CDH4: variants seen among roughly 807,000 people sequenced by gnomAD.
CDH4 encodes cadherin-4.
In CDH4, 33 loss-of-function variants were observed where a neutral mutation model predicts 86.0. The observed-to-expected ratio is 0.38, with a 90% CI of 0.29 to 0.51. CDH4 has a LOEUF of 0.51. Among genes scored for constraint, CDH4 ranks in the 20% least tolerant of loss-of-function variants. The pLI is 0.86. For synonymous variants in CDH4, 555 were observed against 549.4 expected (o/e 1.01, Z -0.14); for missense variants, 1,114 against 1,307.4 (o/e 0.85, Z 2.28).
chr20:61,914,685 C>G (rs2054886824), intron 9 of CDH4, among the ~76,000 whole-genome samples: 1 of 152,184 alleles, frequency 6.6e-6, no homozygotes, highest in African/African-American at 2.4e-5. Context: ...ACCAGAGCAA[C>G]AGAAACTAGA....
chr20:61,351,694 A>G lies in CDH4; in HGVS notation c.169+96757A>G, dbSNP rs6513581. On this transcript the variant is annotated intron_variant, in intron 2 of 15. Transcript: ENST00000614565. ...TTGTGTAACAAACTAATCCAGTTAC[A>G]CTCCTTTAGTTATTTTTATTTTTAT... is the stretch of plus-strand genomic sequence containing the variant. 8.6e-3 allele frequency among the ~76,000 whole-genome samples: 1,273 copies of G among 148,684 alleles called. 16 individuals carry two copies. The highest frequency in any genetic ancestry group is 0.03 in the African/African-American group (1,187 of 40,004).
rs943495703 is a variant in CDH4 at position 61,709,405 on chromosome 20, G to A, written c.170-34158G>A. Among the ~76,000 whole-genome samples the A allele has an allele frequency of 3.3e-5, 5 of 152,150 alleles. No homozygotes were observed. Among genetic ancestry groups the A allele is most frequent in the African/African-American group, 1.2e-4 (5 of 41,432 alleles). ...TTCTCCTGCCTCAGCCACCCAAGTA[G>A]TTGGGATTACAGGCGGGTGCCACCA... On this transcript the variant is annotated intron_variant, in intron 2 of 15. Transcript: ENST00000614565. This position sits in a 1 kb window ranked among gnomAD's most constrained non-coding sequence, Gnocchi z 4.8.
chr20:61,349,857 C>G (rs893020664), intron 2 of CDH4, among the ~76,000 whole-genome samples: 2 of 152,136 alleles, frequency 1.3e-5, no homozygotes, highest in African/African-American at 4.8e-5. Context: ...CATGTGGGAC[C>G]CAGCTCAGAG....
At chr20:61,453,078 G>A (rs1055751344) in intron 2 of CDH4, among the ~76,000 whole-genome samples, 2 of 152,026 alleles carry the variant, frequency 1.3e-5, no homozygotes, top group Non-Finnish European at 2.9e-5. Context: ...AAACTTCCTG[G>A]GAAGTAATTA....
chr20:61,290,633 G>A (rs1019116137), intron 2 of CDH4, among the ~76,000 whole-genome samples: 38 of 152,220 alleles, frequency 2.5e-4, no homozygotes, highest in Non-Finnish European at 4.9e-4. Context: ...AGGGGATGTG[G>A]GGTGAAGAGT....
At chr20:61,615,056 G>A (rs1259978154) in intron 2 of CDH4, among the ~76,000 whole-genome samples, 1 of 152,084 alleles carries the variant, frequency 6.6e-6, no homozygotes, top group African/African-American at 2.4e-5. Context: ...CACTCTTCTG[G>A]CCAAGTTAGA....
At chr20:61,608,507 G>A (rs2086661435) in intron 2 of CDH4, among the ~76,000 whole-genome samples, 2 of 152,188 alleles carry the variant, frequency 1.3e-5, no homozygotes, top group South Asian at 4.1e-4. Context: ...TCTCATGCGT[G>A]GTGATGGACG....
At chr20:61,881,261 G>A (rs552095893) in intron 7 of CDH4, among the ~76,000 whole-genome samples, 8 of 152,246 alleles carry the variant, frequency 5.3e-5, no homozygotes, top group African/African-American at 1.2e-4. Flanking sequence ...GGTGATCTCC[G>A]TGCCTCAGGA....
chr20:61,383,548 TATATATG>T (rs1236683883), intron 2 of CDH4, among the ~76,000 whole-genome samples: 1,689 of 85,978 alleles, frequency 0.02, 277 homozygotes, highest in African/African-American at 0.11. Flanking sequence ...TATATATGAA[TATATATG>T]ATATATGATA....
At chr20:61,842,286 G>C (rs991070196) in intron 4 of CDH4, among the ~76,000 whole-genome samples, 5 of 152,166 alleles carry the variant, frequency 3.3e-5, no homozygotes, top group African/African-American at 1.2e-4. Flanking sequence ...TCTCTGCTGG[G>C]TGTCACACCT....
chr20:61,358,619 C>T (rs1459474868), intron 2 of CDH4, among the ~76,000 whole-genome samples: 2 of 152,188 alleles, frequency 1.3e-5, no homozygotes, highest in African/African-American at 4.8e-5. Context: ...GAGATATCCC[C>T]GTATTTTACA....
rs73915023 is a variant in CDH4 at position 61,412,093 on chromosome 20, C to T, written c.169+157156C>T. 9.4e-3 allele frequency among the ~76,000 whole-genome samples: 1,427 copies of T among 152,344 alleles called. 20 individuals carry two copies. The highest frequency in any genetic ancestry group is 0.033 in the African/African-American group (1,388 of 41,572). The stretch of plus-strand genomic sequence containing the variant: ...CACTGATATGACCAACCCTCCTCTG[C>T]AGGCACCAGCCAGTTTCTGTTCTGT... On this transcript the variant is annotated intron_variant, in intron 2 of 15. Transcript: ENST00000614565.
At chr20:61,558,983 C>A (rs1399928756) in intron 2 of CDH4, among the ~76,000 whole-genome samples, 1 of 152,178 alleles carries the variant, frequency 6.6e-6, no homozygotes, top group African/African-American at 2.4e-5. Context: ...AAATTATTTT[C>A]TTCCTGTTAG....
At chr20:61,537,583 G>A (rs2000283) in intron 2 of CDH4, among the ~76,000 whole-genome samples, 8,015 of 152,220 alleles carry the variant, frequency 0.053, 719 homozygotes, top group African/African-American at 0.18. Context: ...GCCCTACCCC[G>A]GTCTAGAACT....
At chr20:61,555,913 C>T (rs573940871) in intron 2 of CDH4, among the ~76,000 whole-genome samples, 2 of 152,306 alleles carry the variant, frequency 1.3e-5, no homozygotes, top group South Asian at 4.1e-4. Flanking sequence ...TATGTCTTCC[C>T]TATGGGGACA....
chr20:61,643,416 A>T (rs2087031358), intron 2 of CDH4, among the ~76,000 whole-genome samples: 1 of 152,244 alleles, frequency 6.6e-6, no homozygotes, highest in Non-Finnish European at 1.5e-5. Context: ...TTGAAACCAT[A>T]GCACCGTGTA....
chr20:61,443,057 G>A (rs2145534772), intron 2 of CDH4, among the ~76,000 whole-genome samples: 1 of 152,296 alleles, frequency 6.6e-6, no homozygotes. Context: ...AGCAACCCCT[G>A]ATTGAGAACC....
At chr20:61,632,387 G>C (rs138601057) in intron 2 of CDH4, among the ~76,000 whole-genome samples, 171 of 152,238 alleles carry the variant, frequency 1.1e-3, no homozygotes, top group African/African-American at 4.0e-3. Context: ...CAGCAAAACA[G>C]TGTCACCGAT....
At chr20:61,843,203 C>T (rs1444930822) in intron 4 of CDH4, among the ~76,000 whole-genome samples, 2 of 152,062 alleles carry the variant, frequency 1.3e-5, no homozygotes, top group Non-Finnish European at 2.9e-5. Flanking sequence ...GTAATCCCAG[C>T]ACTTTGGGAG....
Sources: gnomAD v4.1 joint callset for allele counts (sites outside exome capture counted in the v4.1 genomes callset) on GRCh38, gnomAD v4.1.1 for gene constraint, Gnocchi (gnomAD v3.1) non-coding constraint, MANE v1.5 for transcripts, NCBI Gene and HGNC (gene_info 2026-07-23, HGNC 2026-07-21) for gene names.